CACNA2D3: variants seen among roughly 807,000 people sequenced by gnomAD.
CACNA2D3 encodes the protein voltage-dependent calcium channel subunit alpha-2/delta-3.
CACNA2D3 carries 60 observed loss-of-function variants against 160.6 expected under a neutral mutation model. The observed-to-expected ratio is 0.37, with a 90% CI of 0.30 to 0.46. The LOEUF (loss-of-function observed/expected upper bound fraction) is 0.46. Ranked by LOEUF, CACNA2D3 falls within the 20% of genes least tolerant of loss-of-function variation. The probability of loss-of-function intolerance (pLI) is 1.00; values close to 1 mark genes in which losing one functional copy is unlikely to be tolerated. For synonymous variants in CACNA2D3, 558 were observed against 492.9 expected (o/e 1.13, Z -1.75); for missense variants, 1,205 against 1,365.0 (o/e 0.88, Z 1.85).
Position 54,538,287 on chromosome 3 carries a change from G to A in CACNA2D3, c.545-24513G>A, listed in dbSNP as rs555826532. Reference sequence around the variant, plus strand: ...TTAATCAAATACCACCATACTATCAGCCAATGAATCCCATACCAGCCTGCT... The same window carrying A: ...TTAATCAAATACCACCATACTATCAACCAATGAATCCCATACCAGCCTGCT... On this transcript the variant is annotated intron_variant, in intron 5 of 37. Coordinates refer to ENST00000474759, the MANE Select transcript of CACNA2D3 (RefSeq NM_018398.3). 1.5e-4 allele frequency among the ~76,000 whole-genome samples: 23 copies of A among 152,234 alleles called. 1 individual carries two copies. In the South Asian group the frequency reaches 4.8e-3, roughly 32 times the overall value.
intron 2 of CACNA2D3, among the ~76,000 whole-genome samples, chr3:54,314,651 A>G (rs1703822916): frequency 6.6e-6 from 1 of 152,116 alleles, no homozygotes; most frequent in Admixed American, 6.5e-5. Context: ...CATTTTTCTG[A>G]TCATTAGTGA....
At chr3:54,621,045 C>G (rs879219931) in intron 9 of CACNA2D3, among the ~76,000 whole-genome samples, 3 of 152,152 alleles carry the variant, frequency 2.0e-5, no homozygotes, top group Admixed American at 2.0e-4. Flanking sequence ...AAATTCATGT[C>G]TGCAGTACTC....
At chr3:54,665,559 A>G (rs1026482688) in intron 11 of CACNA2D3, among the ~76,000 whole-genome samples, 1 of 152,172 alleles carries the variant, frequency 6.6e-6, no homozygotes, top group African/African-American at 2.4e-5. Context: ...TACTGTGTAA[A>G]TGACCACATG....
chr3:54,647,758 A>G (rs568798471), intron 11 of CACNA2D3, among the ~76,000 whole-genome samples: 2 of 152,382 alleles, frequency 1.3e-5, no homozygotes, highest in South Asian at 4.1e-4. Flanking sequence ...GAAGGAATGC[A>G]TTATTGGTGA....
intron 11 of CACNA2D3, among the ~76,000 whole-genome samples, chr3:54,737,736 C>G (rs564419860): frequency 1.3e-5 from 2 of 152,306 alleles, no homozygotes; most frequent in South Asian, 4.2e-4. Context: ...GAAATGTCAG[C>G]TCACTGCAAC....
intron 2 of CACNA2D3, among the ~76,000 whole-genome samples, chr3:54,253,697 T>C (rs971354151): frequency 6.6e-6 from 1 of 152,190 alleles, no homozygotes; most frequent in African/African-American, 2.4e-5. Flanking sequence ...TGTGTACCCA[T>C]ATGTGCCTTT....
chr3:54,755,663 G>A (rs1701955984), intron 12 of CACNA2D3, among the ~76,000 whole-genome samples: 4 of 152,228 alleles, frequency 2.6e-5, no homozygotes, highest in East Asian at 3.9e-4. Flanking sequence ...GAGGGAGGCC[G>A]AGTAGATCCC....
At chr3:54,978,940 TAGTA>T (rs1323049178) in intron 29 of CACNA2D3, among the ~76,000 whole-genome samples, 3 of 152,266 alleles carry the variant, frequency 2.0e-5, no homozygotes, top group Non-Finnish European at 2.9e-5. Context: ...AGACAAATCA[TAGTA>T]AGACTAATTT....
intron 5 of CACNA2D3, among the ~76,000 whole-genome samples, chr3:54,554,790 A>G (rs968513525): frequency 1.3e-5 from 2 of 151,582 alleles, no homozygotes; most frequent in African/African-American, 4.9e-5. Context: ...CTACCCAGCA[A>G]CCCTGATGTG....
intron 4 of CACNA2D3, among the ~76,000 whole-genome samples, chr3:54,456,762 A>G (rs892234867): frequency 3.3e-5 from 5 of 151,948 alleles, no homozygotes; most frequent in African/African-American, 4.8e-5. Context: ...TTTTAACTAC[A>G]ACTTTAACCT....
At chr3:54,868,421 G>A (rs1208562615) in intron 17 of CACNA2D3, among the ~76,000 whole-genome samples, 1 of 152,136 alleles carries the variant, frequency 6.6e-6, no homozygotes, top group East Asian at 1.9e-4. Context: ...GGTGGCTCAT[G>A]GGCTAGTATG....
chr3:54,740,902 G>T (rs1324103751), intron 11 of CACNA2D3, among the ~76,000 whole-genome samples: 2 of 152,196 alleles, frequency 1.3e-5, no homozygotes, highest in Admixed American at 6.5e-5. Context: ...CAAAACTCCT[G>T]ACTCCTCGAC....
At chr3:54,605,462 CTT>C (rs1182206342) in intron 9 of CACNA2D3, among the ~76,000 whole-genome samples, 1 of 152,154 alleles carries the variant, frequency 6.6e-6, no homozygotes, top group African/African-American at 2.4e-5. Flanking sequence ...CATGCAATGA[CTT>C]TTCCAGCCAA....
At chr3:54,256,096 G>T (rs565102172) in intron 2 of CACNA2D3, among the ~76,000 whole-genome samples, 2 of 152,278 alleles carry the variant, frequency 1.3e-5, no homozygotes, top group East Asian at 1.9e-4. Context: ...CCTGAGAAAA[G>T]GTTGTATACA....
intron 4 of CACNA2D3, among the ~76,000 whole-genome samples, chr3:54,450,605 A>G (rs1468832081): frequency 6.6e-6 from 1 of 151,962 alleles, no homozygotes; most frequent in African/African-American, 2.4e-5. Flanking sequence ...GCTGGTTGTT[A>G]AAAAGCGCCT....
intron 12 of CACNA2D3, among the ~76,000 whole-genome samples, chr3:54,758,684 A>T (rs917150565): frequency 1.3e-5 from 2 of 152,194 alleles, no homozygotes; most frequent in Non-Finnish European, 2.9e-5. Flanking sequence ...CAAACCAGGG[A>T]AGCCACAGCA....
At chr3:54,726,334 G>T (rs1701276320) in intron 11 of CACNA2D3, among the ~76,000 whole-genome samples, 1 of 152,128 alleles carries the variant, frequency 6.6e-6, no homozygotes, top group African/African-American at 2.4e-5. Flanking sequence ...TGGCCATGCT[G>T]CCCAAAGTAA....
chr3:54,251,276 G>C (rs555190008), intron 2 of CACNA2D3, among the ~76,000 whole-genome samples: 1 of 152,174 alleles, frequency 6.6e-6, no homozygotes, highest in African/African-American at 2.4e-5. Flanking sequence ...GAAGTCTTCT[G>C]CAAGAGTAGA....
rs562506349 is a variant in CACNA2D3 at position 54,188,717 on chromosome 3, A to G, written c.204+65123A>G. 7.2e-5 allele frequency among the ~76,000 whole-genome samples: 11 copies of G among 152,288 alleles called. No homozygotes were observed. The South Asian group carries it at 2.3e-3, about 32-fold the overall frequency. On this transcript the variant is annotated intron_variant, in intron 2 of 37. Transcript: ENST00000474759. Reference sequence around the variant, plus strand: ...TAGAAGAGATTTTCATGAGTTTTTCAGGTCAAAGATAATGAACACAGGGCC... The same window carrying G: ...TAGAAGAGATTTTCATGAGTTTTTCGGGTCAAAGATAATGAACACAGGGCC...
Sources: gnomAD v4.1 joint callset for allele counts (sites outside exome capture counted in the v4.1 genomes callset) on GRCh38, gnomAD v4.1.1 for gene constraint, MANE v1.5 for transcripts, NCBI Gene and HGNC (gene_info 2026-07-23, HGNC 2026-07-21) for gene names.